The following PHLDB1 variants were observed in gnomAD, a reference collection of about 807,000 sequenced individuals.
The protein encoded by PHLDB1 is pleckstrin homology-like domain family B member 1.
PHLDB1 carries 65 observed loss-of-function variants against 139.3 expected under a neutral mutation model. The ratio of observed to expected loss-of-function variants is 0.47; its 90% CI spans 0.38 to 0.57. PHLDB1 has a LOEUF of 0.57. Ranked by LOEUF, PHLDB1 falls within the 20% of genes least tolerant of loss-of-function variation. The probability of loss-of-function intolerance (pLI) is 0.00; values close to 1 mark genes in which losing one functional copy is unlikely to be tolerated. For missense variants in PHLDB1, 1,624 were observed against 1,839.7 expected, an observed-to-expected ratio of 0.88 and a Z score of 2.14; for synonymous variants, 679 against 734.5, an observed-to-expected ratio of 0.92 and a Z score of 1.22.
In PHLDB1 at chr11:118,616,164, G is replaced by A; in HGVS notation, c.308G>A (p.Cys103Tyr). 6.2e-7 allele frequency: 1 copy of A among 1,614,146 alleles called. No individual in the cohort carries two copies. The highest frequency in any genetic ancestry group is 8.5e-7 in the Non-Finnish European group (1 of 1,180,014). Reference protein sequence around the residue: ...TLTLYPCGNACTIDGLPVRQP... With the variant: ...TLTLYPCGNAYTIDGLPVRQP... ...ACCCTCTACCCCTGTGGCAATGCCT[G>A]CACTATTGATGGGCTCCCTGTCCGG... is the stretch of plus-strand genomic sequence containing the variant. The change falls in exon 4 of 23, where the codon TGC (cysteine) becomes TAC (tyrosine). Residue 103 changes from cysteine (C) to tyrosine (Y), a missense_variant. By Grantham distance (194) the Cys-to-Tyr change is radical (BLOSUM62 -2). Transcript: ENST00000600882.
rs1038540952 is a variant in PHLDB1 at position 118,627,926 on chromosome 11, C to T, written c.1103C>T (p.Ala368Val). 4 of 1,612,716 alleles carry T rather than the reference C, an allele frequency of 2.5e-6. No individual in the cohort carries two copies. In the African/African-American group the frequency reaches 4.0e-5, roughly 16 times the overall value. The change falls in exon 6 of 23, where the codon GCT (alanine) becomes GTT (valine). Residue 368 changes from alanine to valine, a missense_variant. Physicochemically the swap from Ala to Val is moderately conservative, Grantham distance 64 (BLOSUM62 0). Transcript: ENST00000600882. ...VVAISLSEYP[A>V]SGALSQPTSI... ...GCCATCAGCCTGAGTGAATACCCAG[C>T]TTCTGGTGCTCTCAGTCAACCCACC...
At chr11:118,639,121 G>GTGT (rs1555118036) in intron 11 of PHLDB1, 41 bp from the exon 12 acceptor site, 1 of 1,595,736 alleles carries the variant, frequency 6.3e-7, no homozygotes, top group Non-Finnish European at 8.6e-7. Context: ...ACAGTCTCCT[G>GTGT]GCTCCCACTC....
Position 118,649,962 on chromosome 11 carries a change from G to A in PHLDB1, c.3655-115G>A, listed in dbSNP as rs1177717895. The A allele has an allele frequency of 3.9e-6, 3 of 776,580 alleles. No individual in the cohort carries two copies. In the African/African-American group the frequency reaches 5.1e-5, roughly 13 times the overall value. The allele number at this position is 776,580 out of a possible 1,614,324, so 48.1% of individuals were successfully genotyped here. On this transcript the variant is annotated intron_variant, in intron 18 of 22. Coordinates refer to ENST00000600882, the MANE Select transcript of PHLDB1 (RefSeq NM_001144758.3). ...CTGTGGAGCCACAGTGACCGCCATGGGTTAGGGAGGTGTGATGTCAGGCTG... is the reference window on the plus strand; with the variant it reads ...CTGTGGAGCCACAGTGACCGCCATGAGTTAGGGAGGTGTGATGTCAGGCTG...
At chr11:118,607,344 GGTGGT>G, upstream of PHLDB1, among the ~76,000 whole-genome samples, 1 of 47,802 alleles carries the variant, frequency 2.1e-5, no homozygotes, top group Non-Finnish European at 4.1e-5. Context: ...TGGTGGTGGT[GGTGGT>G]GGTGGTGGTG....
rs782087847 is a variant in PHLDB1 at position 118,616,179 on chromosome 11, T to A, written c.323T>A (p.Leu108His). 3.5e-5 allele frequency: 57 copies of A among 1,613,938 alleles called. No homozygotes were observed. The Admixed American group carries it at 6.0e-4, about 17-fold the overall frequency. ...PCGNACTIDG[L>H]PVRQPTRLTQ... is the part of the protein sequence containing the mutation. ...GGCAATGCCTGCACTATTGATGGGCTCCCTGTCCGGCAGCCTACCCGGCTC... is the reference window on the plus strand; with the variant it reads ...GGCAATGCCTGCACTATTGATGGGCACCCTGTCCGGCAGCCTACCCGGCTC... Residue 108 changes from leucine to histidine, a missense_variant, in exon 4 of 23, where the codon CTC becomes CAC. Physicochemically the swap from Leu to His is moderately conservative, Grantham distance 99 (BLOSUM62 -3). Transcript: ENST00000600882.
At chr11:118,654,018 C>T (rs1370460611) in intron 20 of PHLDB1, 1 of 152,196 alleles carries the variant, frequency 6.6e-6, no homozygotes, top group Non-Finnish European at 1.5e-5. Flanking sequence ...GGTTATGATA[C>T]AAGGCTGGAG....
chr11:118,626,178 G>A (rs1474346381), intron 5 of PHLDB1, among the ~76,000 whole-genome samples: 2 of 151,992 alleles, frequency 1.3e-5, no homozygotes, highest in Non-Finnish European at 2.9e-5. Context: ...TCCCTCCCCT[G>A]CCTCTGATTG....
chr11:118,637,391 G>T (rs1464319445), intron 10 of PHLDB1: 1 of 152,066 alleles, frequency 6.6e-6, no homozygotes, highest in Non-Finnish European at 1.5e-5. Flanking sequence ...GCCCAGGCTG[G>T]GTTGCAATGG....
intron 5 of PHLDB1, 118 bp downstream of exon 5, chr11:118,625,177 C>T (rs571009050): frequency 4.4e-5 from 53 of 1,207,866 alleles, no homozygotes; most frequent in African/African-American, 1.2e-4. Flanking sequence ...GGTCTGGGCT[C>T]ACTGCCACCT....
In PHLDB1 at chr11:118,650,079, A is replaced by G. The variant is rs1948135298; in HGVS notation, c.3657A>G (p.Ala1219=). The G allele has an allele frequency of 6.2e-7, 1 of 1,613,152 alleles. No individual in the cohort carries two copies. Among genetic ancestry groups the G allele is most frequent in the Non-Finnish European group, 8.5e-7 (1 of 1,179,090 alleles). Residue 1219 remains alanine (A), a splice_region_variant and synonymous_variant, in exon 19 of 23, where the codon GCA becomes GCG. Coordinates refer to ENST00000600882, the MANE Select transcript of PHLDB1 (RefSeq NM_001144758.3). This position sits in a 1 kb window ranked among gnomAD's most constrained non-coding sequence, Gnocchi z 4.7. The stretch of plus-strand genomic sequence containing the variant: ...CTGACCCTCCCTCTTGCTCCCAGGC[A>G]CGACCCCTGACCCGCTACCTGCCAA... ...VKMREKQFSQ[A]RPLTRYLPIR...
intron 13 of PHLDB1, among the ~76,000 whole-genome samples, 180 bp downstream of exon 13, chr11:118,642,574 G>C (rs1324978355): frequency 6.6e-6 from 1 of 152,266 alleles, no homozygotes; most frequent in Non-Finnish European, 1.5e-5. Context: ...TGGCATGTGG[G>C]CAACCGGGGG....
At chr11:118,637,638 G>C (rs183826912) in intron 10 of PHLDB1, 1 of 152,160 alleles carries the variant, frequency 6.6e-6, no homozygotes, top group Non-Finnish European at 1.5e-5. Context: ...GAGCCACAGC[G>C]CCCGGCCAGC....
Position 118,648,092 on chromosome 11 carries a change from G to A in PHLDB1, c.3654+16G>A. The A allele has an allele frequency of 6.2e-7, 1 of 1,612,012 alleles. No homozygotes were observed. The highest frequency in any genetic ancestry group is 2.2e-5 in the East Asian group (1 of 44,862). ...ATTTTCCCAGGTGAATGGGCAGTGG[G>A]GCACAGTGGTGGTTGGTTTGACGGT... On this transcript the variant is annotated intron_variant, in intron 18 of 22. Transcript: ENST00000600882.
rs1458135652 is a variant in PHLDB1 at position 118,608,583 on chromosome 11, C to T, written c.-22+884C>T. On this transcript the variant is annotated intron_variant, in intron 1 of 22. Transcript: ENST00000600882. The surrounding 1 kb of genome is among the most constrained non-coding windows in gnomAD (Gnocchi z 6.7). ...TCTGGGGCGGGGCTGCATTCTGGGC[C>T]GTTAGCTCAGCGGTCCTGGAGCCTC... Among the ~76,000 whole-genome samples the T allele has an allele frequency of 6.6e-6, 1 of 152,138 alleles. No homozygotes were observed. Among genetic ancestry groups the T allele is most frequent in the Non-Finnish European group, 1.5e-5 (1 of 67,986 alleles).
rs561617286 is a variant in PHLDB1, at chr11:118,614,595, C to T, written c.97C>T (p.Leu33=). 6.2e-7 allele frequency: 1 copy of T among 1,614,020 alleles called. No homozygotes were observed. Among genetic ancestry groups the T allele is most frequent in the Admixed American group, 1.7e-5 (1 of 60,004 alleles). ...GGACCTGATCGAGACAGGCAAAGGG[C>T]TGAAAGTGCAAACGGACAAACCCCA... ...PLDLIETGKG[L]KVQTDKPHLV... The change falls in exon 3 of 23, where the codon CTG becomes TTG. Residue 33 remains leucine, a synonymous_variant. Transcript: ENST00000600882.
chr11:118,643,266 C>T (rs781822206), intron 13 of PHLDB1, among the ~76,000 whole-genome samples: 5 of 152,154 alleles, frequency 3.3e-5, no homozygotes, highest in African/African-American at 4.8e-5. Context: ...GTAATCTCTC[C>T]AAGGCCACAC....
chr11:118,618,902 T>C (rs1461886440), intron 4 of PHLDB1, among the ~76,000 whole-genome samples: 1 of 151,696 alleles, frequency 6.6e-6, no homozygotes, highest in Non-Finnish European at 1.5e-5. Flanking sequence ...AGCAGGAATA[T>C]GCCTGGGCCA....
intron 5 of PHLDB1, among the ~76,000 whole-genome samples, chr11:118,626,302 A>C (rs1179002307): frequency 4.7e-5 from 7 of 150,010 alleles, no homozygotes; most frequent in African/African-American, 1.7e-4. Flanking sequence ...CTGACATCCT[A>C]TTAGACTAGG....
In PHLDB1 at chr11:118,607,689, C is replaced by CCG. The variant is rs1939395253; in HGVS notation, c.-31_-30insGC. On this transcript the variant is annotated 5_prime_UTR_variant, in exon 1 of 23. Coordinates refer to ENST00000600882, the MANE Select transcript of PHLDB1 (RefSeq NM_001144758.3). ...GGGACCAGTGTCTCCCTGCCCCCCC[C>CCG]CCACCTCTAGGTAAGAGCGCCCCGT... 6.7e-6 allele frequency: 1 copy of CCG among 149,622 alleles called. No homozygotes were observed. Among genetic ancestry groups the CCG allele is most frequent in the African/African-American group, 2.5e-5 (1 of 40,304 alleles). The allele number at this position is 149,622 out of a possible 1,614,324, so 9.3% of individuals were successfully genotyped here.
Sources: gnomAD v4.1 joint callset for allele counts (sites outside exome capture counted in the v4.1 genomes callset) on GRCh38, gnomAD v4.1.1 for gene constraint, Gnocchi (gnomAD v3.1) non-coding constraint, MANE v1.5 for transcripts, NCBI Gene and HGNC (gene_info 2026-07-23, HGNC 2026-07-21) for gene names.